Variants in SSBP3 observed in about 807,000 individuals in gnomAD.
The protein encoded by SSBP3 is single-stranded DNA-binding protein 3.
In SSBP3, 5 loss-of-function variants were observed where a neutral mutation model predicts 69.6. The observed-to-expected ratio is 0.07, with a 90% CI of 0.04 to 0.15. The LOEUF is 0.15. Ranked by LOEUF, SSBP3 falls within the 10% of genes least tolerant of loss-of-function variation. The probability of loss-of-function intolerance (pLI) is 1.00; values close to 1 mark genes in which losing one functional copy is unlikely to be tolerated. For synonymous variants in SSBP3, 196 were observed against 193.4 expected (o/e 1.01, Z -0.11); for missense variants, 312 against 534.0 (o/e 0.58, Z 4.10).
In SSBP3 at chr1:54,350,744, C is replaced by A. The variant is rs189023799; in HGVS notation, c.276+51117G>T. The stretch of plus-strand genomic sequence containing the variant: ...GGGGCAGCAGCAGCCCAGGGACAGG[C>A]AGGAGAACCCACACCATGACCATCC... On this transcript the variant is annotated intron_variant, in intron 4 of 17. Transcript: ENST00000610401. 1.1e-4 allele frequency among the ~76,000 whole-genome samples: 17 copies of A among 152,260 alleles called. No individual in the cohort carries two copies. The East Asian group carries it at 1.9e-3, about 17-fold the overall frequency.
intron 1 of SSBP3, among the ~76,000 whole-genome samples, chr1:54,412,243 C>T (rs1193645772): frequency 1.3e-5 from 2 of 151,424 alleles, no homozygotes; most frequent in Middle Eastern, 3.4e-3. Context: ...GCAGAAGAAT[C>T]GCTTGAACCC....
chr1:54,396,213 A>AAAAAAAAAAAAAAAAAAAAAC, intron 4 of SSBP3, among the ~76,000 whole-genome samples: 1 of 149,002 alleles, frequency 6.7e-6, no homozygotes, highest in African/African-American at 2.4e-5. Context: ...AAAAAAAAAA[A>AAAAAAAAAAAAAAAAAAAAAC]AAAAAACAAC....
intron 4 of SSBP3, among the ~76,000 whole-genome samples, chr1:54,304,492 G>A (rs1327195559): frequency 6.6e-6 from 1 of 152,228 alleles, no homozygotes; most frequent in African/African-American, 2.4e-5. Context: ...GGCTCCCCAG[G>A]GAAGAGAAGC....
chr1:54,345,929 G>C (rs1569882424), intron 4 of SSBP3, among the ~76,000 whole-genome samples: 1 of 151,160 alleles, frequency 6.6e-6, no homozygotes, highest in East Asian at 1.9e-4. Context: ...ATCACTTGAG[G>C]TCAGGAGTTC....
chr1:54,250,425 C>A (rs1644806461), intron 9 of SSBP3, among the ~76,000 whole-genome samples: 1 of 151,898 alleles, frequency 6.6e-6, no homozygotes, highest in Admixed American at 6.6e-5. Context: ...GGGGCGGATT[C>A]TGGGATGGAG....
upstream of SSBP3, among the ~76,000 whole-genome samples, chr1:54,407,017 G>C (rs912134185): frequency 7.2e-5 from 11 of 152,062 alleles, no homozygotes; most frequent in African/African-American, 2.7e-4. Flanking sequence ...CCGGGCCCGG[G>C]GCTCCACGCT....
intron 4 of SSBP3, among the ~76,000 whole-genome samples, chr1:54,339,593 G>A (rs1262241099): frequency 6.6e-6 from 1 of 152,096 alleles, no homozygotes; most frequent in Non-Finnish European, 1.5e-5. Context: ...CATTGCAGGA[G>A]AGGGGAATCT....
At chr1:54,327,552 C>T (rs1296367975) in intron 4 of SSBP3, among the ~76,000 whole-genome samples, 1 of 152,140 alleles carries the variant, frequency 6.6e-6, no homozygotes, top group Non-Finnish European at 1.5e-5. Context: ...AAGCATCGCC[C>T]TGGATTTCTT....
intron 10 of SSBP3, among the ~76,000 whole-genome samples, chr1:54,242,695 A>G (rs1644660910): frequency 6.6e-6 from 1 of 152,168 alleles, no homozygotes; most frequent in African/African-American, 2.4e-5. Flanking sequence ...CACACCTGTA[A>G]TCCTAGCACT....
At chr1:54,316,336 C>CT in intron 4 of SSBP3, among the ~76,000 whole-genome samples, 1 of 147,222 alleles carries the variant, frequency 6.8e-6, no homozygotes, top group East Asian at 2.0e-4. Context: ...GAGCGAGACT[C>CT]TGTCTCAAAA....
At chr1:54,318,182 C>T (rs1432587559) in intron 4 of SSBP3, among the ~76,000 whole-genome samples, 1 of 152,204 alleles carries the variant, frequency 6.6e-6, no homozygotes, top group African/African-American at 2.4e-5. Flanking sequence ...GTAGTGTTCA[C>T]ATGACACCTC....
intron 4 of SSBP3, among the ~76,000 whole-genome samples, chr1:54,284,075 ATTC>A (rs1379911272): frequency 8.1e-6 from 1 of 123,570 alleles, no homozygotes; most frequent in Non-Finnish European, 1.8e-5. Context: ...TAACAATTTC[ATTC>A]TTCTTATGTA....
intron 14 of SSBP3, chr1:54,238,657 T>C (rs1644545114): frequency 3.2e-6 from 1 of 314,546 alleles, no homozygotes; most frequent in Admixed American, 4.6e-5. Flanking sequence ...CTGCCAGGTA[T>C]TGGGAGTTCC....
intron 4 of SSBP3, chr1:54,335,933 A>G (rs1646499723): frequency 6.6e-6 from 1 of 152,278 alleles, no homozygotes; most frequent in Non-Finnish European, 1.5e-5. Context: ...GAGGATTAAG[A>G]GCAGGAGCCA....
intron 9 of SSBP3, among the ~76,000 whole-genome samples, chr1:54,247,003 G>A (rs529413100): frequency 2.6e-5 from 4 of 152,344 alleles, no homozygotes; most frequent in South Asian, 2.1e-4. Flanking sequence ...CACTGGCACC[G>A]CTCTGCAGGG....
At chr1:54,314,345 G>C (rs963809790) in intron 4 of SSBP3, among the ~76,000 whole-genome samples, 5 of 152,152 alleles carry the variant, frequency 3.3e-5, no homozygotes, top group Non-Finnish European at 5.9e-5. Context: ...AAACTCCAGA[G>C]GGAAGCAAAA....
rs575857570 is a variant in SSBP3, at chr1:54,295,678, T to C, written c.277-14151A>G. On this transcript the variant is annotated intron_variant, in intron 4 of 17. Coordinates refer to ENST00000610401, the Ensembl canonical transcript of SSBP3. ...AAACAAGGAGATAATGAAAGGGCTG[T>C]GATCTCATCTCAGCCTTTCTTCTCT... 7.9e-5 allele frequency among the ~76,000 whole-genome samples: 12 copies of C among 152,342 alleles called. 1 individual carries two copies. Among genetic ancestry groups the C allele is most frequent in the African/African-American group, 2.9e-4 (12 of 41,570 alleles).
intron 13 of SSBP3, among the ~76,000 whole-genome samples, chr1:54,240,593 C>T (rs1644616551): frequency 6.6e-6 from 1 of 151,868 alleles, no homozygotes; most frequent in Non-Finnish European, 1.5e-5. Flanking sequence ...AACCCCAAGG[C>T]CCCTTTTTGA....
At chr1:54,339,214 T>C (rs74071648) in intron 4 of SSBP3, among the ~76,000 whole-genome samples, 1,541 of 152,258 alleles carry the variant, frequency 0.01, 25 homozygotes, top group African/African-American at 0.036. Context: ...GGGGGTCTTA[T>C]CTTATCCCAT....
Sources: allele counts gnomAD v4.1 joint callset (sites outside exome capture counted in the v4.1 genomes callset), GRCh38; gene constraint gnomAD v4.1.1; transcripts MANE v1.5; gene names NCBI Gene and HGNC (gene_info 2026-07-23, HGNC 2026-07-21).